Variants in RAVER1 observed in about 807,000 individuals in gnomAD.
RAVER1 encodes ribonucleoprotein, PTB binding 1.
Under a neutral mutation model 68.4 loss-of-function variants are expected in RAVER1, and 36 were observed. The ratio of observed to expected loss-of-function variants is 0.53; its 90% confidence interval spans 0.40 to 0.70. RAVER1 has a LOEUF of 0.70. RAVER1 is among the 30% of genes least tolerant of loss of function. The probability of loss-of-function intolerance (pLI) is 0.00; values close to 1 mark genes in which losing one functional copy is unlikely to be tolerated. For synonymous variants in RAVER1, 469 were observed against 472.7 expected (o/e 0.99, Z 0.10); for missense variants, 933 against 1,019.8 (o/e 0.91, Z 1.16).
intron 1 of RAVER1, among the ~76,000 whole-genome samples, chr19:10,331,367 A>AT (rs2040515502): frequency 9.5e-5 from 12 of 126,844 alleles, no homozygotes; most frequent in Admixed American, 8.5e-4. Context: ...AAAAAAAAAA[A>AT]AAAAAAAAAA....
chr19:10,323,888 C>T lies in RAVER1; in HGVS notation c.757-322G>A, dbSNP rs2040456770. Among the ~76,000 whole-genome samples, 1 of 152,178 alleles carries T rather than the reference C, an allele frequency of 6.6e-6. No individual in the cohort carries two copies. Among genetic ancestry groups the T allele is most frequent in the African/African-American group, 2.4e-5 (1 of 41,452 alleles). ...CCACGGGCGGATGCGGTGGCTCACA[C>T]CTGTAATCCCAGCACTTTGGGAGGC... is the stretch of plus-strand genomic sequence containing the variant. On this transcript the variant is annotated intron_variant, in intron 3 of 12. Coordinates refer to ENST00000617231, the MANE Select transcript of RAVER1 (RefSeq NM_133452.3). This position sits in a 1 kb window ranked among gnomAD's most constrained non-coding sequence, Gnocchi z 6.2.
At chr19:10,320,997 C>T in intron 8 of RAVER1, 46 bp from the exon 9 acceptor site, 1 of 1,481,154 alleles carries the variant, frequency 6.8e-7, no homozygotes, top group Non-Finnish European at 8.9e-7. Flanking sequence ...GGAGAGGGAA[C>T]CCTGCGGAAC....
intron 3 of RAVER1, among the ~76,000 whole-genome samples, chr19:10,326,805 C>T (rs1217003788): frequency 7.4e-6 from 1 of 135,048 alleles, no homozygotes; most frequent in Non-Finnish European, 1.5e-5. Context: ...GTTGCTTTGT[C>T]ACCCAGGCTG....
Position 10,329,250 on chromosome 19 carries a change from G to C in RAVER1, c.287-139C>G. 1.6e-6 allele frequency: 1 copy of C among 608,328 alleles called. No individual in the cohort carries two copies. The allele number at this position is 608,328 out of a possible 1,614,324, so 37.7% of individuals were successfully genotyped here. On this transcript the variant is annotated intron_variant, in intron 2 of 12. Coordinates refer to ENST00000617231, the MANE Select transcript of RAVER1 (RefSeq NM_133452.3). This position sits in a 1 kb window ranked among gnomAD's most constrained non-coding sequence, Gnocchi z 4.6. ...GCTGATCTGAGCAGTTGCCAGCCTT[G>C]GCGACTCACACAGGCGAGAGCGCCT...
rs34498607 is a variant in RAVER1 at position 10,322,231 on chromosome 19, C to CGT, written c.1173+412_1173+413dup. 3 of 200,540 alleles carry CGT rather than the reference C, an allele frequency of 1.5e-5. No individual in the cohort carries two copies. The highest frequency in any genetic ancestry group is 1.4e-4 in the East Asian group (1 of 6,988). The allele number at this position is 200,540 out of a possible 1,614,324, so 12.4% of individuals were successfully genotyped here. A position where few individuals can be genotyped will look rare whatever the true frequency, so the allele number is the denominator to read the frequency against. ...ATGTATACCTGTGTTTCTAGGTGTG[C>CGT]GTGTGTGTGTGTGCACACACTGAGG... On this transcript the variant is annotated intron_variant, in intron 6 of 12. Coordinates refer to ENST00000617231, the MANE Select transcript of RAVER1 (RefSeq NM_133452.3). The surrounding 1 kb of genome is among the most constrained non-coding windows in gnomAD (Gnocchi z 4.3).
chr19:10,323,039 T>C lies in RAVER1; in HGVS notation c.1078+106A>G. 1.0e-6 allele frequency: 1 copy of C among 985,582 alleles called. No individual in the cohort carries two copies. The highest frequency in any genetic ancestry group is 1.5e-6 in the Non-Finnish European group (1 of 678,922). 61.1% of individuals were successfully genotyped at this position (985,582 alleles called of 1,614,324 possible). On this transcript the variant is annotated intron_variant, in intron 5 of 12. Transcript: ENST00000617231. This position sits in a 1 kb window ranked among gnomAD's most constrained non-coding sequence, Gnocchi z 6.2. The stretch of plus-strand genomic sequence containing the variant: ...CCATACTCCCCCTCGGCCCTACTCC[T>C]GGGGCTCCTGTCACTGCAGCCAAGA...
chr19:10,323,021 C>T lies in RAVER1; in HGVS notation c.1078+124G>A, dbSNP rs1163114239. On this transcript the variant is annotated intron_variant, in intron 5 of 12. Transcript: ENST00000617231. The surrounding 1 kb of genome is among the most constrained non-coding windows in gnomAD (Gnocchi z 6.2). ...GCAGCCCCCGCTATGACTCCATACTCCCCCTCGGCCCTACTCCTGGGGCTC... is the reference window on the plus strand; with the variant it reads ...GCAGCCCCCGCTATGACTCCATACTTCCCCTCGGCCCTACTCCTGGGGCTC... 4.8e-6 allele frequency: 4 copies of T among 825,352 alleles called. No homozygotes were observed. The highest frequency in any genetic ancestry group is 1.7e-5 in the African/African-American group (1 of 57,528). 51.1% of individuals were successfully genotyped at this position (825,352 alleles called of 1,614,324 possible). A position where few individuals can be genotyped will look rare whatever the true frequency, so the allele number is the denominator to read the frequency against.
rs1020653049 is a variant in RAVER1 at position 10,329,222 on chromosome 19, C to A, written c.287-111G>T. ...CTCCAAATGCTGGGCATCTCAGGTG[C>A]CTGCTGATCTGAGCAGTTGCCAGCC... On this transcript the variant is annotated intron_variant, in intron 2 of 12. Transcript: ENST00000617231. The surrounding 1 kb of genome is among the most constrained non-coding windows in gnomAD (Gnocchi z 4.6). 5.7e-6 allele frequency: 4 copies of A among 696,200 alleles called. No homozygotes were observed. Among genetic ancestry groups the A allele is most frequent in the African/African-American group, 5.4e-5 (3 of 55,444 alleles). The allele number at this position is 696,200 out of a possible 1,614,324, so 43.1% of individuals were successfully genotyped here.
At position 10,317,948 on chromosome 19, in the gene RAVER1, G is replaced by A. The variant is rs920800750; in HGVS notation, c.1990-175C>T. Among the ~76,000 whole-genome samples the A allele has an allele frequency of 1.2e-4, 18 of 151,842 alleles. No homozygotes were observed. Among genetic ancestry groups the A allele is most frequent in the African/African-American group, 4.4e-4 (18 of 41,326 alleles). On this transcript the variant is annotated intron_variant, in intron 11 of 12. Transcript: ENST00000617231. This position sits in a 1 kb window ranked among gnomAD's most constrained non-coding sequence, Gnocchi z 4.3. Reference sequence around the variant, plus strand: ...TAGGGCCAATTGCTCCATTTTATTTGAGCCTCGGTTTTCTCATCTGTCAGA... The same window carrying A: ...TAGGGCCAATTGCTCCATTTTATTTAAGCCTCGGTTTTCTCATCTGTCAGA...
chr19:10,318,507 C>G (rs994368603), intron 10 of RAVER1, 135 bp from the exon 11 acceptor site: 10 of 633,178 alleles, frequency 1.6e-5, no homozygotes, highest in Non-Finnish European at 2.4e-5. Context: ...TACAGGCATG[C>G]GCCACCATGC....
chr19:10,323,368 GGCTCACCGTGGCCTGGGCAGCGAT>G lies in RAVER1; in HGVS notation c.931_948+6del. ...CCACCCCGCCACCTCTGCCCGCACA[GGCTCACCGTGGCCTGGGCAGCGAT>G]GAGAGCGGCCAGCATACTGCGGCCG... On this transcript the variant is annotated splice_donor_variant and splice_donor_5th_base_variant and coding_sequence_variant and intron_variant, in exon 4 of 13. Coordinates refer to ENST00000617231, the MANE Select transcript of RAVER1 (RefSeq NM_133452.3). LOFTEE classifies it high-confidence loss of function. This position sits in a 1 kb window ranked among gnomAD's most constrained non-coding sequence, Gnocchi z 6.2. 1 of 1,605,086 alleles carries G rather than the reference GGCTCACCGTGGCCTGGGCAGCGAT, an allele frequency of 6.2e-7. No individual in the cohort carries two copies.
chr19:10,316,582 G>A lies in RAVER1; in HGVS notation c.*872C>T. On this transcript the variant is annotated 3_prime_UTR_variant, in exon 13 of 13. Coordinates refer to ENST00000617231, the MANE Select transcript of RAVER1 (RefSeq NM_133452.3). ...TCCGACTCCCACAGACAGACAGCAG[G>A]GGACTGGCAGAGAAAGCCCATCTCT... 1.0e-6 allele frequency: 1 copy of A among 986,912 alleles called. No individual in the cohort carries two copies. The highest frequency in any genetic ancestry group is 1.2e-6 in the Non-Finnish European group (1 of 830,592). 61.1% of individuals were successfully genotyped at this position (986,912 alleles called of 1,614,324 possible). A position where few individuals can be genotyped will look rare whatever the true frequency, so the allele number is the denominator to read the frequency against.
Position 10,317,449 on chromosome 19 carries a change from G to C in RAVER1, c.*5C>G. 1.9e-6 allele frequency: 3 copies of C among 1,613,736 alleles called. No homozygotes were observed. The highest frequency in any genetic ancestry group is 2.5e-6 in the Non-Finnish European group (3 of 1,179,642). ...GGCCCTTGAGTTATCTCTGGTGCCA[G>C]CCACTTAGAAAATCCTCTTCCGCTT... On this transcript the variant is annotated 3_prime_UTR_variant, in exon 13 of 13. Transcript: ENST00000617231. The surrounding 1 kb of genome is among the most constrained non-coding windows in gnomAD (Gnocchi z 4.3).
At chr19:10,324,658 G>A (rs527410001) in intron 3 of RAVER1, among the ~76,000 whole-genome samples, 39 of 152,228 alleles carry the variant, frequency 2.6e-4, no homozygotes, top group African/African-American at 8.7e-4. Flanking sequence ...GATTACAGGC[G>A]TGAGCCACTG....
At chr19:10,324,154 CAAA>C (rs60714347) in intron 3 of RAVER1, among the ~76,000 whole-genome samples, 13 of 95,254 alleles carry the variant, frequency 1.4e-4, no homozygotes, top group Admixed American at 2.1e-4. Context: ...AACTCCATCT[CAAA>C]AAAAAAAAAA....
chr19:10,327,836 G>A (rs1289731958), intron 3 of RAVER1, among the ~76,000 whole-genome samples: 1 of 152,168 alleles, frequency 6.6e-6, no homozygotes, highest in South Asian at 2.1e-4. Context: ...GACCTTCTGG[G>A]GGCTCTTAGA....
chr19:10,328,511 C>G lies in RAVER1; in HGVS notation c.756+131G>C. On this transcript the variant is annotated intron_variant, in intron 3 of 12. Coordinates refer to ENST00000617231, the MANE Select transcript of RAVER1 (RefSeq NM_133452.3). This position sits in a 1 kb window ranked among gnomAD's most constrained non-coding sequence, Gnocchi z 4.4. ...AGGTTGCAGTGAACTGAGATTGTATCACTGCACTCCAGCATGGGTGACAAA... is the reference window on the plus strand; with the variant it reads ...AGGTTGCAGTGAACTGAGATTGTATGACTGCACTCCAGCATGGGTGACAAA... 1 of 638,168 alleles carries G rather than the reference C, an allele frequency of 1.6e-6. No homozygotes were observed. 39.5% of individuals were successfully genotyped at this position (638,168 alleles called of 1,614,324 possible).
At chr19:10,331,145 C>T (rs1483958882) in intron 1 of RAVER1, among the ~76,000 whole-genome samples, 13 of 149,728 alleles carry the variant, frequency 8.7e-5, no homozygotes, top group Non-Finnish European at 1.8e-4. Context: ...GTCAGGAGAT[C>T]GAGACCATCC....
At position 10,323,081 on chromosome 19, in the gene RAVER1, G is replaced by C; in HGVS notation, c.1078+64C>G. 7.3e-7 allele frequency: 1 copy of C among 1,367,180 alleles called. No individual in the cohort carries two copies. The allele number at this position is 1,367,180 out of a possible 1,614,324, so 84.7% of individuals were successfully genotyped here. A position where few individuals can be genotyped will look rare whatever the true frequency, so the allele number is the denominator to read the frequency against. ...CAGCCAAGATGAGCAGTTTCGGGAA[G>C]TGCCGGGGGCAGCGCTGCAGCCCCT... On this transcript the variant is annotated intron_variant, in intron 5 of 12. Coordinates refer to ENST00000617231, the MANE Select transcript of RAVER1 (RefSeq NM_133452.3). This position sits in a 1 kb window ranked among gnomAD's most constrained non-coding sequence, Gnocchi z 6.2.
Sources: gnomAD v4.1 joint callset for allele counts (sites outside exome capture counted in the v4.1 genomes callset) on GRCh38, gnomAD v4.1.1 for gene constraint, Gnocchi (gnomAD v3.1) non-coding constraint, MANE v1.5 for transcripts, NCBI Gene and HGNC (gene_info 2026-07-23, HGNC 2026-07-21) for gene names.